Variants in C1orf202 observed in about 807,000 individuals in gnomAD.
C1orf202 encodes uncharacterized protein C1orf202.
At chr1:244,730,656 G>C in the C1orf202 span, 1 of 384,934 alleles carries the variant, frequency 2.6e-6, no homozygotes, top group Non-Finnish European at 4.6e-6. Context: ...AGCCTCTGCA[G>C]GCTCGAGGGG....
the C1orf202 span, chr1:244,730,247 A>G: frequency 4.4e-6 from 1 of 226,122 alleles, no homozygotes; most frequent in Non-Finnish European, 8.6e-6. Context: ...CCTCGGACCA[A>G]AGAGAGGCTG....
At chr1:244,730,516 C>T in the C1orf202 span, 1 of 362,612 alleles carries the variant, frequency 2.8e-6, no homozygotes, top group Admixed American at 4.7e-5. Context: ...GGACGCTGCT[C>T]TGGGGTCCGG....
the C1orf202 span, chr1:244,729,948 C>A: frequency 6.6e-6 from 1 of 151,426 alleles, no homozygotes. Flanking sequence ...ATTTTTTTGA[C>A]GGGGCGTGGT....
the C1orf202 span, chr1:244,729,985 G>T: frequency 6.6e-6 from 1 of 151,822 alleles, no homozygotes. Flanking sequence ...CCCAACGCTT[G>T]GGAGGCTTAG....
chr1:244,729,829 C>G, the C1orf202 span: 3 of 152,066 alleles, frequency 2.0e-5, no homozygotes, highest in Non-Finnish European at 4.4e-5. Context: ...GTCCCACCCC[C>G]ACCCCAAGCC....
At chr1:244,730,951 CG>C in the C1orf202 span, 3 of 380,352 alleles carry the variant, frequency 7.9e-6, no homozygotes, top group Non-Finnish European at 9.3e-6. Flanking sequence ...TCTCGGAGCG[CG>C]GGGCCCACAT....
the C1orf202 span, chr1:244,730,473 G>A: frequency 8.7e-6 from 3 of 344,062 alleles, no homozygotes; most frequent in South Asian, 1.3e-4. Context: ...CGGCGGGGCT[G>A]GCGCGCGGGG....
At chr1:244,730,309 G>A in the C1orf202 span, 2 of 249,454 alleles carry the variant, frequency 8.0e-6, no homozygotes, top group Non-Finnish European at 1.5e-5. Context: ...ATAACCCTTG[G>A]TTTCCATGCA....
Sources: allele counts gnomAD v4.1 joint callset, GRCh38; gene constraint gnomAD v4.1.1; transcripts MANE v1.5; gene names NCBI Gene and HGNC (gene_info 2026-07-23, HGNC 2026-07-21).